Variants in CDH9 observed in about 807,000 individuals in gnomAD.
The protein encoded by CDH9 is cadherin-9.
A neutral mutation model predicts 70.9 loss-of-function variants in CDH9; 28 were observed. The observed-to-expected ratio is 0.40, with a 90% CI of 0.29 to 0.54. CDH9 has a LOEUF of 0.54. Ranked by LOEUF, CDH9 falls within the 20% of genes least tolerant of loss-of-function variation. The pLI, the probability that CDH9 is intolerant of heterozygous loss-of-function variation, is 0.59. For missense variants in CDH9, 874 were observed against 984.4 expected, an observed-to-expected ratio of 0.89 and a Z score of 1.50; for synonymous variants, 409 against 343.1, an observed-to-expected ratio of 1.19 and a Z score of -2.12.
chr5:27,004,937 A>C (rs1442260207), intron 1 of CDH9, among the ~76,000 whole-genome samples: 1 of 44,312 alleles, frequency 2.3e-5, no homozygotes, highest in Non-Finnish European at 5.9e-5. Context: ...ACATTAAATA[A>C]AAAACAATAA....
At chr5:26,884,078 TA>T (rs889047757) in intron 11 of CDH9, among the ~76,000 whole-genome samples, 1 of 151,922 alleles carries the variant, frequency 6.6e-6, no homozygotes, top group Non-Finnish European at 1.5e-5. Context: ...ACTACAATAA[TA>T]AAAAATTACT....
intron 1 of CDH9, among the ~76,000 whole-genome samples, chr5:26,996,017 A>C (rs1379810972): frequency 6.6e-6 from 1 of 151,994 alleles, no homozygotes; most frequent in Admixed American, 6.6e-5. Context: ...AAAAAGGTGA[A>C]TTACTGTAAT....
At chr5:27,025,659 T>A (rs1368332785) in intron 1 of CDH9, among the ~76,000 whole-genome samples, 1 of 152,106 alleles carries the variant, frequency 6.6e-6, no homozygotes, top group Middle Eastern at 3.4e-3. Flanking sequence ...TTTTGGAAAC[T>A]GTACTTAAAG....
In CDH9 at chr5:26,886,090, C is replaced by A. The variant is rs756281499; in HGVS notation, c.1513-7G>T. The A allele has an allele frequency of 6.3e-7, 1 of 1,577,088 alleles. No homozygotes were observed. Among genetic ancestry groups the A allele is most frequent in the East Asian group, 2.3e-5 (1 of 44,430 alleles). ...CACTGACAGTCTGAATCAACTGAAA[C>A]CAAAATTAATTAATTAATTAATTAA... On this transcript the variant is annotated splice_region_variant and splice_polypyrimidine_tract_variant and intron_variant, in intron 9 of 11. Transcript: ENST00000231021.
intron 11 of CDH9, among the ~76,000 whole-genome samples, 194 bp from the exon 12 acceptor site, chr5:26,881,817 A>C (rs1286495703): frequency 6.6e-6 from 1 of 152,096 alleles, no homozygotes; most frequent in Non-Finnish European, 1.5e-5. Flanking sequence ...AGCAGATATT[A>C]CCATGCCTTT....
chr5:26,902,680 C>T lies in CDH9; in HGVS notation c.1049G>A (p.Ser350Asn). 1 of 1,574,256 alleles carries T rather than the reference C, an allele frequency of 6.4e-7. No homozygotes were observed. The highest frequency in any genetic ancestry group is 8.7e-7 in the Non-Finnish European group (1 of 1,144,312). The change falls in exon 7 of 12, where the codon AGT (serine) becomes AAT (asparagine). Residue 350 changes from serine to asparagine, a missense_variant. Coordinates refer to ENST00000231021, the MANE Select transcript of CDH9 (RefSeq NM_016279.4). ...QMLYTLRVDA[S>N]NTHPDPRFLH... is the part of the protein sequence containing the mutation. The stretch of plus-strand genomic sequence containing the variant: ...GAATCGTGGATCAGGGTGAGTGTTA[C>T]TTGCATCCACTCTTAAAGTATAGAG...
At chr5:27,020,457 T>G (rs2112124658) in intron 1 of CDH9, among the ~76,000 whole-genome samples, 1 of 151,644 alleles carries the variant, frequency 6.6e-6, no homozygotes, top group African/African-American at 2.4e-5. Context: ...AATAATAAAC[T>G]AAAAAAATTA....
At chr5:26,917,827 C>T (rs1741174714) in intron 2 of CDH9, among the ~76,000 whole-genome samples, 1 of 152,016 alleles carries the variant, frequency 6.6e-6, no homozygotes, top group Admixed American at 6.6e-5. Context: ...TTTTCCACAT[C>T]ACAAATGTAG....
chr5:26,994,052 C>T (rs1157840581), intron 1 of CDH9, among the ~76,000 whole-genome samples: 2 of 152,098 alleles, frequency 1.3e-5, no homozygotes, highest in African/African-American at 2.4e-5. Context: ...TTATTCCTCC[C>T]TTTTAGAATA....
chr5:26,909,838 A>G (rs964777586), intron 3 of CDH9, among the ~76,000 whole-genome samples: 2 of 152,014 alleles, frequency 1.3e-5, no homozygotes, highest in African/African-American at 4.8e-5. Context: ...ATTCTATAAT[A>G]GTAAATCATG....
chr5:27,033,388 A>T (rs1743341340), intron 1 of CDH9, among the ~76,000 whole-genome samples: 1 of 151,452 alleles, frequency 6.6e-6, no homozygotes, highest in Non-Finnish European at 1.5e-5. Context: ...ACACACAAAC[A>T]TACAGACATA....
intron 7 of CDH9, among the ~76,000 whole-genome samples, chr5:26,895,906 T>C (rs1346428939): frequency 2.0e-5 from 3 of 152,112 alleles, no homozygotes; most frequent in Middle Eastern, 3.4e-3. Context: ...GCATTCTTGT[T>C]GAATTATTGC....
intron 2 of CDH9, among the ~76,000 whole-genome samples, chr5:26,948,611 C>T (rs1406541558): frequency 6.6e-6 from 1 of 152,114 alleles, no homozygotes; most frequent in Non-Finnish European, 1.5e-5. Context: ...ACAGCAAATT[C>T]CCTGTCAATG....
At position 26,953,204 on chromosome 5, in the gene CDH9, C is replaced by T. The variant is rs142105358; in HGVS notation, c.228+34902G>A. ...TCTTTAGAAAACCTAATGAGCCAAC[C>T]ATTTGACACATACAGATTATACTCT... On this transcript the variant is annotated intron_variant, in intron 2 of 11. Coordinates refer to ENST00000231021, the MANE Select transcript of CDH9 (RefSeq NM_016279.4). Among the ~76,000 whole-genome samples the T allele has an allele frequency of 2.6e-4, 39 of 152,136 alleles. No homozygotes were observed. The East Asian group carries it at 7.3e-3, about 29-fold the overall frequency.
In CDH9 at chr5:26,885,756, G is replaced by T; in HGVS notation, c.1740C>A (p.Ser580Arg). The T allele has an allele frequency of 1.2e-6, 2 of 1,613,840 alleles. No homozygotes were observed. Among genetic ancestry groups the T allele is most frequent in the Non-Finnish European group, 1.7e-6 (2 of 1,179,918 alleles). ...IFDNDYPIQS[S>R]TGTLTIRVCA... is the part of the protein sequence containing the mutation. ...ACACACGGATAGTGAGTGTACCAGT[G>T]CTGCTTTGAATTGGATAATCGTTGT... The change falls in exon 11 of 12, where the codon AGC becomes AGA. Residue 580 changes from serine (S) to arginine (R), a missense_variant. Physicochemically the swap from Ser to Arg is moderately radical, Grantham distance 110. Coordinates refer to ENST00000231021, the MANE Select transcript of CDH9 (RefSeq NM_016279.4).
intron 1 of CDH9, among the ~76,000 whole-genome samples, chr5:27,014,538 T>C (rs1033276348): frequency 3.3e-5 from 5 of 151,920 alleles, no homozygotes; most frequent in African/African-American, 1.2e-4. Flanking sequence ...GGAAAACTAA[T>C]AAGATAATTA....
intron 1 of CDH9, among the ~76,000 whole-genome samples, 182 bp from the exon 2 acceptor site, chr5:26,988,564 C>A (rs1464499796): frequency 1.3e-5 from 2 of 151,874 alleles, no homozygotes; most frequent in Non-Finnish European, 2.9e-5. Flanking sequence ...AGTAGAAAGA[C>A]ATATACAACT....
chr5:26,969,935 T>A (rs930511669), intron 2 of CDH9, among the ~76,000 whole-genome samples: 40 of 149,044 alleles, frequency 2.7e-4, no homozygotes, highest in African/African-American at 8.1e-4. Flanking sequence ...TATATATATA[T>A]AATATATATA....
At chr5:26,991,402 T>A (rs1447205403) in intron 1 of CDH9, among the ~76,000 whole-genome samples, 1 of 152,226 alleles carries the variant, frequency 6.6e-6, no homozygotes, top group Non-Finnish European at 1.5e-5. Flanking sequence ...TACAGACATC[T>A]GTAATATCCC....
Sources: allele counts gnomAD v4.1 joint callset (sites outside exome capture counted in the v4.1 genomes callset), GRCh38; gene constraint gnomAD v4.1.1; transcripts MANE v1.5; gene names NCBI Gene and HGNC (gene_info 2026-07-23, HGNC 2026-07-21).